The following ATP8A1 variants were observed in gnomAD, a reference collection of about 807,000 sequenced individuals.
The protein encoded by ATP8A1 is phospholipid-transporting ATPase IA.
Under a neutral mutation model 177.7 loss-of-function variants are expected in ATP8A1, and 90 were observed. That is an observed-to-expected ratio of 0.51 (90% confidence interval 0.43 to 0.60). ATP8A1 has a LOEUF of 0.60. ATP8A1 is among the 20% of genes least tolerant of loss of function. ATP8A1 has a pLI of 0.00. For synonymous variants in ATP8A1, 493 were observed against 485.9 expected (o/e 1.01, Z -0.19); for missense variants, 1,072 against 1,392.8 (o/e 0.77, Z 3.67).
At chr4:42,576,533 T>G (rs1258239031) in intron 12 of ATP8A1, among the ~76,000 whole-genome samples, 4 of 150,582 alleles carry the variant, frequency 2.7e-5, no homozygotes, top group Non-Finnish European at 5.9e-5. Flanking sequence ...TTATTTGTAC[T>G]TGCCTTGTGT....
chr4:42,501,862 C>A (rs1276474880), intron 24 of ATP8A1, among the ~76,000 whole-genome samples: 1 of 152,184 alleles, frequency 6.6e-6, no homozygotes, highest in East Asian at 1.9e-4. Flanking sequence ...GAAAAGCCTT[C>A]CCCAGACAGC....
chr4:42,603,548 G>A (rs1237499338), intron 5 of ATP8A1, among the ~76,000 whole-genome samples: 1 of 151,866 alleles, frequency 6.6e-6, no homozygotes, highest in Admixed American at 6.6e-5. Context: ...TGATTTTTTG[G>A]CAGTTTTATT....
At chr4:42,586,526 T>C (rs1230536572) in intron 8 of ATP8A1, 50 bp from the exon 9 acceptor site, 5 of 1,565,850 alleles carry the variant, frequency 3.2e-6, no homozygotes, top group Non-Finnish European at 3.5e-6. Flanking sequence ...AAGTTGTATC[T>C]GGGCAAAGAG....
chr4:42,492,281 T>C (rs923837427), intron 24 of ATP8A1, among the ~76,000 whole-genome samples: 18 of 152,182 alleles, frequency 1.2e-4, no homozygotes, highest in African/African-American at 4.3e-4. Context: ...CAAGGAGGAT[T>C]CTATTCCCAG....
intron 22 of ATP8A1, among the ~76,000 whole-genome samples, chr4:42,519,891 G>C (rs1725932879): frequency 1.3e-5 from 2 of 152,088 alleles, no homozygotes; most frequent in South Asian, 4.1e-4. Context: ...ACTATATGTA[G>C]TTTACATGGA....
intron 6 of ATP8A1, among the ~76,000 whole-genome samples, chr4:42,592,290 C>G (rs1365204758): frequency 6.6e-6 from 1 of 152,078 alleles, no homozygotes; most frequent in Non-Finnish European, 1.5e-5. Flanking sequence ...TCATAGCCAC[C>G]AGTAAGTGTT....
chr4:42,656,993 G>A lies in ATP8A1; in HGVS notation c.-120C>T, dbSNP rs931339607. Reference sequence around the variant, plus strand: ...CAGCTGCAGCCTGGGCCGCGCCGCCGCCCACCTAGGGCAGAGCTGCCGCCG... The same window carrying A: ...CAGCTGCAGCCTGGGCCGCGCCGCCACCCACCTAGGGCAGAGCTGCCGCCG... On this transcript the variant is annotated 5_prime_UTR_variant, in exon 1 of 37. Transcript: ENST00000381668. The A allele has an allele frequency of 3.2e-5, 35 of 1,095,198 alleles. No individual in the cohort carries two copies. In the Admixed American group the frequency reaches 6.8e-4, roughly 21 times the overall value. 67.8% of individuals were successfully genotyped at this position (1,095,198 alleles called of 1,614,324 possible).
chr4:42,446,080 C>CAAAAAAAAAAAAA (rs11311245), intron 31 of ATP8A1, among the ~76,000 whole-genome samples: 10 of 63,918 alleles, frequency 1.6e-4, no homozygotes, highest in East Asian at 2.0e-3. Flanking sequence ...AACGCCCTCT[C>CAAAAAAAAAAAAA]AAAAAAAAAA....
intron 33 of ATP8A1, among the ~76,000 whole-genome samples, chr4:42,443,123 A>G (rs1392295788): frequency 2.0e-5 from 3 of 152,236 alleles, no homozygotes; most frequent in Non-Finnish European, 2.9e-5. Flanking sequence ...AGGACAACTC[A>G]AAAAGTGCAT....
chr4:42,415,511 GAAGTT>G (rs528608046), intron 35 of ATP8A1, among the ~76,000 whole-genome samples: 104 of 152,282 alleles, frequency 6.8e-4, no homozygotes, highest in South Asian at 4.3e-3. Flanking sequence ...TTGAATACGT[GAAGTT>G]GAGTAATAAT....
intron 8 of ATP8A1, 132 bp downstream of exon 8, chr4:42,588,128 C>T (rs1460133459): frequency 4.7e-6 from 3 of 644,692 alleles, no homozygotes; most frequent in Non-Finnish European, 7.7e-6. Context: ...TATAAAACCT[C>T]TTTGTTGTGG....
At chr4:42,567,122 A>T (rs190693253) in intron 15 of ATP8A1, among the ~76,000 whole-genome samples, 1 of 152,358 alleles carries the variant, frequency 6.6e-6, no homozygotes, top group African/African-American at 2.4e-5. Context: ...CAAAGCCCAC[A>T]TCTTTGATCA....
chr4:42,643,578 T>A (rs1740223771), intron 1 of ATP8A1, among the ~76,000 whole-genome samples: 1 of 152,122 alleles, frequency 6.6e-6, no homozygotes, highest in Non-Finnish European at 1.5e-5. Flanking sequence ...CCACTCCCCA[T>A]CATGTCCACT....
Position 42,433,751 on chromosome 4 carries a change from C to G in ATP8A1, c.3123+9814G>C, listed in dbSNP as rs1296657001. 4.6e-5 allele frequency among the ~76,000 whole-genome samples: 7 copies of G among 151,406 alleles called. No homozygotes were observed. The East Asian group carries it at 1.4e-3, about 29-fold the overall frequency. On this transcript the variant is annotated intron_variant, in intron 33 of 36. Transcript: ENST00000381668. ...GACATTTCTCTGGGGTGATGAGGAG[C>G]TGAAAAAGGGGTTATCATCTCGTGG...
At chr4:42,578,498 G>T in intron 11 of ATP8A1, 111 bp from the exon 12 acceptor site, 2 of 1,203,896 alleles carry the variant, frequency 1.7e-6, no homozygotes, top group Non-Finnish European at 2.3e-6. Context: ...TTGATAATTT[G>T]GGAGGAACAC....
At chr4:42,650,045 G>A (rs539948680) in intron 1 of ATP8A1, among the ~76,000 whole-genome samples, 12 of 152,256 alleles carry the variant, frequency 7.9e-5, no homozygotes, top group African/African-American at 2.9e-4. Flanking sequence ...ACATTCCAAT[G>A]AAACCATGTG....
chr4:42,652,557 T>C (rs935663993), intron 1 of ATP8A1, among the ~76,000 whole-genome samples: 2 of 152,186 alleles, frequency 1.3e-5, no homozygotes, highest in Admixed American at 1.3e-4. Context: ...AATAGCAAAG[T>C]CCTATAATAT....
At chr4:42,620,410 G>C (rs574176613) in intron 4 of ATP8A1, among the ~76,000 whole-genome samples, 1 of 152,162 alleles carries the variant, frequency 6.6e-6, no homozygotes, top group South Asian at 2.1e-4. Context: ...CTTTCTAATA[G>C]TACCTGATTA....
chr4:42,427,810 A>G (rs886656698), intron 33 of ATP8A1, among the ~76,000 whole-genome samples: 9 of 152,266 alleles, frequency 5.9e-5, no homozygotes, highest in African/African-American at 2.2e-4. Context: ...TAAGGCTTCA[A>G]GAAGTCAGAG....
Sources: gnomAD v4.1 joint callset for allele counts (sites outside exome capture counted in the v4.1 genomes callset) on GRCh38, gnomAD v4.1.1 for gene constraint, MANE v1.5 for transcripts, NCBI Gene and HGNC (gene_info 2026-07-23, HGNC 2026-07-21) for gene names.